UBASH3A: variants seen among roughly 807,000 people sequenced by gnomAD.
The protein encoded by UBASH3A is ubiquitin associated and SH3 domain containing A, also known as ubiquitin-associated and SH3 domain-containing protein A.
A neutral mutation model predicts 73.5 loss-of-function variants in UBASH3A; 63 were observed. The observed-to-expected ratio is 0.86, with a 90% CI of 0.70 to 1.06. The LOEUF is 1.06. Among genes scored for constraint, UBASH3A ranks in the 50% least tolerant of loss-of-function variants. The probability of loss-of-function intolerance (pLI) is 0.00; values close to 1 mark genes in which losing one functional copy is unlikely to be tolerated. For synonymous variants in UBASH3A, 363 were observed against 351.1 expected, an observed-to-expected ratio of 1.03 and a Z score of -0.38; for missense variants, 860 against 859.0, an observed-to-expected ratio of 1.00 and a Z score of -0.02.
At chr21:42,406,159 C>T (rs895769718) in intron 1 of UBASH3A, 149 bp from the exon 2 acceptor site, 9 of 716,384 alleles carry the variant, frequency 1.3e-5, no homozygotes, top group South Asian at 8.8e-5. Flanking sequence ...AGGGGACAGG[C>T]GCTAGAACTT....
chr21:42,409,692 G>A, intron 3 of UBASH3A, 84 bp downstream of exon 3: 1 of 1,296,164 alleles, frequency 7.7e-7, no homozygotes, highest in Non-Finnish European at 1.1e-6. Context: ...GGACAAAGTT[G>A]ACTTATTTAA....
chr21:42,413,026 T>C lies in UBASH3A; in HGVS notation c.357T>C (p.Cys119=), dbSNP rs781284260. 2.7e-5 allele frequency: 44 copies of C among 1,613,838 alleles called. No individual in the cohort carries two copies. The highest frequency in any genetic ancestry group is 3.7e-5 in the Non-Finnish European group (44 of 1,179,816). The change falls in exon 4 of 15, where the codon TGT becomes TGC. Residue 119 remains cysteine (C), a splice_region_variant and synonymous_variant. Coordinates refer to ENST00000319294, the MANE Select transcript of UBASH3A (RefSeq NM_018961.4). The surrounding 1 kb of genome is among the most constrained non-coding windows in gnomAD (Gnocchi z 4.5). ...AGGCTCTGTCTCTGTCCCCTTAGTG[T>C]GAAGACCAGAAGGTGGAATGCCTGT... ...PHVTLCDFFT[C]EDQKVECLYE... is the part of the protein sequence containing the mutation.
In UBASH3A at chr21:42,430,243, A is replaced by G. The variant is rs552824343; in HGVS notation, c.1171-1860A>G. Among the ~76,000 whole-genome samples, 61 of 152,330 alleles carry G rather than the reference A, an allele frequency of 4.0e-4. 1 individual carries two copies. In the South Asian group the frequency reaches 0.013, roughly 32 times the overall value. ...TAGTGCAGACCCTTGAGACTGGATC[A>G]CTGTTCACAGAAGAAAGTCCAGACA... On this transcript the variant is annotated intron_variant, in intron 8 of 14. Transcript: ENST00000319294.
chr21:42,413,905 C>G lies in UBASH3A; in HGVS notation c.667+382C>G, dbSNP rs963089637. 1.3e-5 allele frequency among the ~76,000 whole-genome samples: 2 copies of G among 152,208 alleles called. No homozygotes were observed. The highest frequency in any genetic ancestry group is 2.9e-5 in the Non-Finnish European group (2 of 68,046). ...GCCCTGGCCTGGAGACCAAGGCTAC[C>G]ATTGGGGTTTAGTGGAAAGGATTGT... On this transcript the variant is annotated intron_variant, in intron 5 of 14. Coordinates refer to ENST00000319294, the MANE Select transcript of UBASH3A (RefSeq NM_018961.4). This position sits in a 1 kb window ranked among gnomAD's most constrained non-coding sequence, Gnocchi z 4.5.
chr21:42,440,806 C>G (rs999875788), intron 11 of UBASH3A, among the ~76,000 whole-genome samples: 4 of 152,172 alleles, frequency 2.6e-5, no homozygotes, highest in African/African-American at 9.7e-5. Flanking sequence ...ATAACAACAA[C>G]GAATAAAAAA....
chr21:42,416,541 TC>T lies in UBASH3A; in HGVS notation c.772del (p.Leu258TrpfsTer24). The T allele has an allele frequency of 1.2e-6, 2 of 1,609,888 alleles. No individual in the cohort carries two copies. Among genetic ancestry groups the T allele is most frequent in the Non-Finnish European group, 1.7e-6 (2 of 1,178,336 alleles). ...ACGCTGGAGCAGCTGGCCAGAGCCA[TC>T]CCCCTGGGCCACAGCTGCCAGTGGA... ...QRTLEQLARA[I>X]PLGHSCQWTA... On this transcript the variant is annotated frameshift_variant, in exon 6 of 15. Coordinates refer to ENST00000319294, the MANE Select transcript of UBASH3A (RefSeq NM_018961.4). LOFTEE classifies it high-confidence loss of function.
At chr21:42,408,847 C>T (rs2053029190) in intron 2 of UBASH3A, among the ~76,000 whole-genome samples, 1 of 148,714 alleles carries the variant, frequency 6.7e-6, no homozygotes, top group Admixed American at 6.8e-5. Flanking sequence ...TGTGCCACTG[C>T]ACTCCAGCCT....
At chr21:42,407,656 A>C (rs9978717) in intron 2 of UBASH3A, among the ~76,000 whole-genome samples, 1 of 152,002 alleles carries the variant, frequency 6.6e-6, no homozygotes, top group African/African-American at 2.4e-5. Flanking sequence ...TGAGGGAAGC[A>C]GGGCCTCACA....
At chr21:42,414,694 G>A (rs909631241) in intron 5 of UBASH3A, among the ~76,000 whole-genome samples, 1 of 152,204 alleles carries the variant, frequency 6.6e-6, no homozygotes, top group Non-Finnish European at 1.5e-5. Context: ...CACAAGCCAA[G>A]GGACGCCTGG....
chr21:42,438,626 G>A (rs1371187546), intron 11 of UBASH3A, among the ~76,000 whole-genome samples: 1 of 152,274 alleles, frequency 6.6e-6, no homozygotes, highest in South Asian at 2.1e-4. Context: ...AAGACTTGAG[G>A]GCATAGTGAG....
intron 10 of UBASH3A, among the ~76,000 whole-genome samples, chr21:42,435,954 G>A (rs966168988): frequency 1.3e-5 from 2 of 151,946 alleles, no homozygotes; most frequent in Non-Finnish European, 2.9e-5. Context: ...GTTAGTTATA[G>A]AGTTATAGAG....
chr21:42,441,137 A>G (rs1237984905), intron 11 of UBASH3A, among the ~76,000 whole-genome samples: 1 of 152,176 alleles, frequency 6.6e-6, no homozygotes. Flanking sequence ...TCAGAAAAAC[A>G]AGGACACCCA....
At chr21:42,440,037 CACACCACAT>C (rs1306155155) in intron 11 of UBASH3A, among the ~76,000 whole-genome samples, 2 of 151,582 alleles carry the variant, frequency 1.3e-5, no homozygotes, top group African/African-American at 2.4e-5. Context: ...ACACACCACA[CACACCACAT>C]ACACCCCTTG....
Position 42,413,116 on chromosome 21 carries a change from T to C in UBASH3A, c.447T>C (p.Ala149=). Residue 149 remains alanine, a synonymous_variant, in exon 4 of 15, where the codon GCT becomes GCC. Transcript: ENST00000319294. This position sits in a 1 kb window ranked among gnomAD's most constrained non-coding sequence, Gnocchi z 4.5. ...CCTTCCCCACGGCCGTGCCTCTGGC[T>C]CTCCACTCCTCCATCAGCTACCTCG... The part of the protein sequence containing the change: ...LGSFPTAVPL[A]LHSSISYLGF... 3 of 1,614,188 alleles carry C rather than the reference T, an allele frequency of 1.9e-6. No individual in the cohort carries two copies. Among genetic ancestry groups the C allele is most frequent in the Non-Finnish European group, 2.5e-6 (3 of 1,180,038 alleles).
chr21:42,430,409 T>G (rs1411189298), intron 8 of UBASH3A, among the ~76,000 whole-genome samples: 1 of 152,178 alleles, frequency 6.6e-6, no homozygotes, highest in Non-Finnish European at 1.5e-5. Context: ...TGAGGGTTTA[T>G]GCAGACAAGG....
At chr21:42,415,152 C>T (rs1415012115) in intron 5 of UBASH3A, among the ~76,000 whole-genome samples, 7 of 152,210 alleles carry the variant, frequency 4.6e-5, no homozygotes, top group Non-Finnish European at 1.0e-4. Context: ...GTGAAACGTG[C>T]CCATAGGCAC....
chr21:42,417,866 TTTTC>T (rs148047840), intron 6 of UBASH3A, among the ~76,000 whole-genome samples: 3,491 of 142,882 alleles, frequency 0.024, 42 homozygotes, highest in Non-Finnish European at 0.036. Flanking sequence ...TCTCTTTTTT[TTTTC>T]TTTTTTTCTT....
chr21:42,446,056 G>C (rs3827231), intron 14 of UBASH3A, among the ~76,000 whole-genome samples: 83,215 of 151,582 alleles, frequency 0.55, 24,178 homozygotes, highest in African/African-American at 0.74. Context: ...GCGCTCCTGG[G>C]GGCCCACGTA....
At chr21:42,436,162 G>A (rs2053625257) in intron 10 of UBASH3A, among the ~76,000 whole-genome samples, 1 of 151,762 alleles carries the variant, frequency 6.6e-6, no homozygotes, top group African/African-American at 2.4e-5. Context: ...TAGAGCTATA[G>A]AGTCATAGAG....
Sources: gnomAD v4.1 joint callset for allele counts (sites outside exome capture counted in the v4.1 genomes callset) on GRCh38, gnomAD v4.1.1 for gene constraint, Gnocchi (gnomAD v3.1) non-coding constraint, MANE v1.5 for transcripts, NCBI Gene and HGNC (gene_info 2026-07-23, HGNC 2026-07-21) for gene names.